LDLRAD4: variants seen among roughly 807,000 people sequenced by gnomAD.
The protein encoded by LDLRAD4 is low density lipoprotein receptor class A domain containing 4.
In LDLRAD4, 5 loss-of-function variants were observed where a neutral mutation model predicts 17.0. That is an observed-to-expected ratio of 0.29 (90% confidence interval 0.15 to 0.62). LDLRAD4 has a LOEUF of 0.62. LDLRAD4 is among the 20% of genes least tolerant of loss of function. The probability of loss-of-function intolerance (pLI) is 0.84; values close to 1 mark genes in which losing one functional copy is unlikely to be tolerated. For missense variants in LDLRAD4, 340 were observed against 424.7 expected (o/e 0.80, Z 1.75); for synonymous variants, 168 against 171.8 (o/e 0.98, Z 0.17).
chr18:13,409,163 T>G (rs1485251243), intron 2 of LDLRAD4, among the ~76,000 whole-genome samples: 1 of 152,128 alleles, frequency 6.6e-6, no homozygotes, highest in African/African-American at 2.4e-5. Context: ...TTTATTGTTT[T>G]TTGTTTGTTT....
chr18:13,249,770 AT>A (rs1343558864), intron 1 of LDLRAD4, among the ~76,000 whole-genome samples: 1 of 151,926 alleles, frequency 6.6e-6, no homozygotes, highest in Non-Finnish European at 1.5e-5. Context: ...CCATTTGATT[AT>A]TTTTGCTTTT....
intron 2 of LDLRAD4, among the ~76,000 whole-genome samples, chr18:13,410,447 T>A (rs1015822636): frequency 1.3e-5 from 2 of 152,224 alleles, no homozygotes; most frequent in Non-Finnish European, 2.9e-5. Flanking sequence ...GGAACTCTAG[T>A]GATTTTACAA....
intron 3 of LDLRAD4, among the ~76,000 whole-genome samples, chr18:13,594,290 GCCACTGTAGGGATT>G (rs1417204693): frequency 6.6e-6 from 1 of 152,138 alleles, no homozygotes; most frequent in Non-Finnish European, 1.5e-5. Context: ...GCCACTGTCT[GCCACTGTAGGGATT>G]CCACTGTGGG....
chr18:13,376,542 C>T (rs1260451937), intron 1 of LDLRAD4, among the ~76,000 whole-genome samples: 1 of 152,196 alleles, frequency 6.6e-6, no homozygotes, highest in Non-Finnish European at 1.5e-5. Flanking sequence ...CAGATCCTTT[C>T]AGCATCAGGT....
intron 3 of LDLRAD4, among the ~76,000 whole-genome samples, chr18:13,545,663 C>G (rs142054701): frequency 6.6e-6 from 1 of 152,092 alleles, no homozygotes; most frequent in Non-Finnish European, 1.5e-5. Flanking sequence ...AAACAAGCTG[C>G]GGGAACTGAG....
At chr18:13,460,264 T>C (rs1018107076) in intron 3 of LDLRAD4, among the ~76,000 whole-genome samples, 1 of 152,184 alleles carries the variant, frequency 6.6e-6, no homozygotes, top group Non-Finnish European at 1.5e-5. Flanking sequence ...GCTATCACAA[T>C]TCACTGCATC....
chr18:13,577,119 T>G (rs2148406090), intron 3 of LDLRAD4, among the ~76,000 whole-genome samples: 1 of 152,338 alleles, frequency 6.6e-6, no homozygotes, highest in Non-Finnish European at 1.5e-5. Flanking sequence ...AGGCTAGTTT[T>G]GTATTTCTGC....
At position 13,453,594 on chromosome 18, in the gene LDLRAD4, A is replaced by T. The variant is rs575186115; in HGVS notation, c.181+15210A>T. On this transcript the variant is annotated intron_variant, in intron 3 of 5. Transcript: ENST00000359446. ...TATTAACTTTAATGAGATAAATATTAGATGGAACATTTAGCCAAGAGAGGT... is the reference window on the plus strand; with the variant it reads ...TATTAACTTTAATGAGATAAATATTTGATGGAACATTTAGCCAAGAGAGGT... Among the ~76,000 whole-genome samples the T allele has an allele frequency of 5.9e-5, 9 of 152,342 alleles. No individual in the cohort carries two copies. In the South Asian group the frequency reaches 1.9e-3, roughly 32 times the overall value.
chr18:13,473,636 CATAT>C (rs71366054), intron 3 of LDLRAD4, among the ~76,000 whole-genome samples: 1,557 of 28,686 alleles, frequency 0.054, 23 homozygotes, highest in Non-Finnish European at 0.065. Flanking sequence ...GATCCCATCT[CATAT>C]ATATATATAT....
intron 3 of LDLRAD4, among the ~76,000 whole-genome samples, chr18:13,574,532 G>A (rs953208745): frequency 6.6e-6 from 1 of 152,164 alleles, no homozygotes; most frequent in Non-Finnish European, 1.5e-5. Flanking sequence ...CAGAAGCCTC[G>A]ATGTGCGGCA....
chr18:13,353,211 G>A (rs2083145231), intron 1 of LDLRAD4, among the ~76,000 whole-genome samples: 2 of 151,800 alleles, frequency 1.3e-5, no homozygotes, highest in South Asian at 4.2e-4. Context: ...GGAAAATTAG[G>A]CATTTGAAAA....
intron 3 of LDLRAD4, among the ~76,000 whole-genome samples, chr18:13,463,646 A>T (rs2092516126): frequency 6.6e-6 from 1 of 152,172 alleles, no homozygotes; most frequent in Admixed American, 6.5e-5. Context: ...AATTCTGAGT[A>T]ACTAACGGCA....
At chr18:13,451,673 C>G (rs539840895) in intron 3 of LDLRAD4, among the ~76,000 whole-genome samples, 3 of 152,208 alleles carry the variant, frequency 2.0e-5, no homozygotes, top group Non-Finnish European at 4.4e-5. Flanking sequence ...AGTCCAGGAT[C>G]AAGGTGCTGC....
intron 3 of LDLRAD4, among the ~76,000 whole-genome samples, chr18:13,460,190 C>A (rs924151817): frequency 6.6e-6 from 1 of 151,766 alleles, no homozygotes; most frequent in African/African-American, 2.4e-5. Flanking sequence ...AAATTCATAG[C>A]TTTTATTTTG....
intron 1 of LDLRAD4, among the ~76,000 whole-genome samples, chr18:13,265,553 C>T (rs1281205598): frequency 1.3e-5 from 2 of 152,190 alleles, no homozygotes; most frequent in Non-Finnish European, 2.9e-5. Flanking sequence ...TCCATGCACC[C>T]AGGAGCAAGG....
chr18:13,230,825 C>A (rs926518398), intron 1 of LDLRAD4, among the ~76,000 whole-genome samples: 2 of 152,240 alleles, frequency 1.3e-5, no homozygotes, highest in African/African-American at 4.8e-5. Context: ...CCCTGACTCT[C>A]CTAGGCTCCT....
chr18:13,444,732 G>A (rs752844038), intron 3 of LDLRAD4, among the ~76,000 whole-genome samples: 35 of 152,308 alleles, frequency 2.3e-4, no homozygotes, highest in Middle Eastern at 3.4e-3. Flanking sequence ...TGCCTGCCAC[G>A]GTGCCTGGCG....
intron 3 of LDLRAD4, among the ~76,000 whole-genome samples, chr18:13,594,270 A>G (rs1023473158): frequency 2.0e-5 from 3 of 151,874 alleles, no homozygotes; most frequent in East Asian, 3.9e-4. Context: ...TTGGTCTGTC[A>G]CTCTCAGCTG....
intron 4 of LDLRAD4, among the ~76,000 whole-genome samples, chr18:13,633,537 G>A (rs759308098): frequency 9.9e-5 from 15 of 152,212 alleles, no homozygotes; most frequent in Non-Finnish European, 1.6e-4. Flanking sequence ...ACTGATGCTC[G>A]TCAGCACCCA....
Sources: gnomAD v4.1 joint callset for allele counts (sites outside exome capture counted in the v4.1 genomes callset) on GRCh38, gnomAD v4.1.1 for gene constraint, MANE v1.5 for transcripts, NCBI Gene and HGNC (gene_info 2026-07-23, HGNC 2026-07-21) for gene names.